SLC44A1: variants seen among roughly 807,000 people sequenced by gnomAD.
SLC44A1 encodes choline transporter-like protein 1.
Under a neutral mutation model 79.3 loss-of-function variants are expected in SLC44A1, and 26 were observed. The observed-to-expected ratio is 0.33, with a 90% CI of 0.24 to 0.46. The LOEUF (loss-of-function observed/expected upper bound fraction) is 0.46. Ranked by LOEUF, SLC44A1 falls within the 20% of genes least tolerant of loss-of-function variation. The probability of loss-of-function intolerance (pLI) is 1.00; values close to 1 mark genes in which losing one functional copy is unlikely to be tolerated. For missense variants in SLC44A1, 688 were observed against 798.1 expected (o/e 0.86, Z 1.66); for synonymous variants, 263 against 286.2 (o/e 0.92, Z 0.82).
In SLC44A1 at chr9:105,244,759, C is replaced by A; in HGVS notation, c.-110C>A. ...GCTGCAGCCGCCGCCGCCGCCTAGC[C>A]GTGCGGTGCCAGGCCGCGCCCTCCC... On this transcript the variant is annotated 5_prime_UTR_variant, in exon 1 of 16. Transcript: ENST00000374720. 3.9e-6 allele frequency: 2 copies of A among 513,554 alleles called. No homozygotes were observed. The highest frequency in any genetic ancestry group is 5.6e-6 in the Non-Finnish European group (2 of 359,692). The allele number at this position is 513,554 out of a possible 1,614,324, so 31.8% of individuals were successfully genotyped here. A position where few individuals can be genotyped will look rare whatever the true frequency, so the allele number is the denominator to read the frequency against.
chr9:105,396,881 C>A lies in SLC44A1; in HGVS notation c.*7825C>A. 1 of 985,030 alleles carries A rather than the reference C, an allele frequency of 1.0e-6. No individual in the cohort carries two copies. The highest frequency in any genetic ancestry group is 1.2e-6 in the Non-Finnish European group (1 of 829,764). 61.0% of individuals were successfully genotyped at this position (985,030 alleles called of 1,614,324 possible). A position where few individuals can be genotyped will look rare whatever the true frequency, so the allele number is the denominator to read the frequency against. On this transcript the variant is annotated 3_prime_UTR_variant, in exon 16 of 16. Transcript: ENST00000374720. The stretch of plus-strand genomic sequence containing the variant: ...CCTTACCATTATTTTGGATTTTTTT[C>A]TTATTACAGTGTCACTACACTGTAT...
Position 105,244,727 on chromosome 9 carries a change from A to G in SLC44A1, c.-142A>G, listed in dbSNP as rs1829380658. On this transcript the variant is annotated 5_prime_UTR_variant, in exon 1 of 16. Transcript: ENST00000374720. Reference sequence around the variant, plus strand: ...CTAGCCGCGCCGCCTCTTGAGTACCAGCCGCCGCTGCAGCCGCCGCCGCCG... The same window carrying G: ...CTAGCCGCGCCGCCTCTTGAGTACCGGCCGCCGCTGCAGCCGCCGCCGCCG... The G allele has an allele frequency of 2.8e-6, 1 of 356,406 alleles. No homozygotes were observed. Among genetic ancestry groups the G allele is most frequent in the Non-Finnish European group, 4.6e-6 (1 of 217,990 alleles). 22.1% of individuals were successfully genotyped at this position (356,406 alleles called of 1,614,324 possible).
chr9:105,381,314 C>T (rs1411717176), intron 13 of SLC44A1, among the ~76,000 whole-genome samples: 1 of 151,640 alleles, frequency 6.6e-6, no homozygotes, highest in African/African-American at 2.4e-5. Context: ...CCCTGGCGGG[C>T]GGATCACCTG....
intron 1 of SLC44A1, among the ~76,000 whole-genome samples, chr9:105,288,209 T>A (rs1329752852): frequency 2.0e-5 from 3 of 152,226 alleles, no homozygotes; most frequent in Non-Finnish European, 4.4e-5. Flanking sequence ...TATGTTACTA[T>A]ACAGTCTTCA....
intron 1 of SLC44A1, among the ~76,000 whole-genome samples, chr9:105,263,275 C>T (rs1379727271): frequency 6.6e-6 from 1 of 152,174 alleles, no homozygotes; most frequent in Non-Finnish European, 1.5e-5. Flanking sequence ...TCATTTTGCA[C>T]TACCGAGCTC....
At chr9:105,322,366 G>A (rs1042240734) in intron 3 of SLC44A1, among the ~76,000 whole-genome samples, 4 of 152,140 alleles carry the variant, frequency 2.6e-5, no homozygotes, top group Non-Finnish European at 5.9e-5. Flanking sequence ...GTGATGCTAA[G>A]TTTTCAAAAG....
At chr9:105,253,962 C>T (rs1320145928) in intron 1 of SLC44A1, among the ~76,000 whole-genome samples, 13 of 152,180 alleles carry the variant, frequency 8.5e-5, no homozygotes, top group Admixed American at 8.5e-4. Context: ...ACCTTGTGAT[C>T]TGCCTGCCTC....
chr9:105,259,001 G>A (rs2131208154), intron 1 of SLC44A1, among the ~76,000 whole-genome samples: 1 of 152,120 alleles, frequency 6.6e-6, no homozygotes, highest in African/African-American at 2.4e-5. Flanking sequence ...CACCACGCCT[G>A]TTTGTTCTCT....
chr9:105,286,469 C>T (rs1383430642), intron 1 of SLC44A1, among the ~76,000 whole-genome samples: 1 of 152,040 alleles, frequency 6.6e-6, no homozygotes, highest in African/African-American at 2.4e-5. Context: ...GGAATATGCT[C>T]AATAATATTA....
intron 5 of SLC44A1, among the ~76,000 whole-genome samples, chr9:105,352,265 A>T (rs1827473800): frequency 6.6e-6 from 1 of 152,200 alleles, no homozygotes; most frequent in Non-Finnish European, 1.5e-5. Flanking sequence ...TTTGGCTAGA[A>T]ATCATGTGTA....
Position 105,393,349 on chromosome 9 carries a change from AC to A in SLC44A1, c.*4296del. The A allele has an allele frequency of 1.0e-6, 1 of 985,306 alleles. No homozygotes were observed. The highest frequency in any genetic ancestry group is 1.2e-6 in the Non-Finnish European group (1 of 829,812). The allele number at this position is 985,306 out of a possible 1,614,324, so 61.0% of individuals were successfully genotyped here. A position where few individuals can be genotyped will look rare whatever the true frequency, so the allele number is the denominator to read the frequency against. ...ATAGTCCAAATTTTTAAAAAGCAAGACCCTTGAATATGCCAAGAGAAAATCT... is the reference window on the plus strand; with the variant it reads ...ATAGTCCAAATTTTTAAAAAGCAAGACCTTGAATATGCCAAGAGAAAATCT... On this transcript the variant is annotated 3_prime_UTR_variant, in exon 16 of 16. Transcript: ENST00000374720.
At position 105,394,496 on chromosome 9, in the gene SLC44A1, A is replaced by C; in HGVS notation, c.*5440A>C. ...TTATTTGGGGGCAAGGTACCAGATTATTTGCAGTGAGCCAAAAAAAAAAAA... is the reference window on the plus strand; with the variant it reads ...TTATTTGGGGGCAAGGTACCAGATTCTTTGCAGTGAGCCAAAAAAAAAAAA... On this transcript the variant is annotated 3_prime_UTR_variant, in exon 16 of 16. Transcript: ENST00000374720. 4.3e-6 allele frequency: 4 copies of C among 936,510 alleles called. No individual in the cohort carries two copies. The highest frequency in any genetic ancestry group is 4.9e-6 in the Non-Finnish European group (4 of 809,404). The allele number at this position is 936,510 out of a possible 1,614,324, so 58.0% of individuals were successfully genotyped here. A position where few individuals can be genotyped will look rare whatever the true frequency, so the allele number is the denominator to read the frequency against.
chr9:105,294,611 T>C (rs1016160693), intron 1 of SLC44A1: 1 of 152,158 alleles, frequency 6.6e-6, no homozygotes. Flanking sequence ...CTTTGTATCT[T>C]TGGCTTTCAA....
In SLC44A1 at chr9:105,396,924, C is replaced by T. The variant is rs1379794461; in HGVS notation, c.*7868C>T. 3.4e-5 allele frequency: 33 copies of T among 984,966 alleles called. No homozygotes were observed. Among genetic ancestry groups the T allele is most frequent in the Non-Finnish European group, 4.0e-5 (33 of 829,682 alleles). 61.0% of individuals were successfully genotyped at this position (984,966 alleles called of 1,614,324 possible). On this transcript the variant is annotated 3_prime_UTR_variant, in exon 16 of 16. Transcript: ENST00000374720. Reference sequence around the variant, plus strand: ...CACTGTATTCATGTGGGGGAACAAACATGTAGGTGCTTGAACATGCCCCAC... The same window carrying T: ...CACTGTATTCATGTGGGGGAACAAATATGTAGGTGCTTGAACATGCCCCAC...
chr9:105,329,214 T>C (rs1826676302), intron 3 of SLC44A1, among the ~76,000 whole-genome samples: 2 of 152,218 alleles, frequency 1.3e-5, no homozygotes, highest in Non-Finnish European at 2.9e-5. Context: ...TGTAAATTGA[T>C]ATGAGGTAAT....
chr9:105,390,551 G>A lies in SLC44A1; in HGVS notation c.*1495G>A, dbSNP rs1184264302. On this transcript the variant is annotated 3_prime_UTR_variant, in exon 16 of 16. Coordinates refer to ENST00000374720, the MANE Select transcript of SLC44A1 (RefSeq NM_080546.5). ...TGAATTAGATCGGTATTATGGAAATGCATACAAGTAATGTCACTAGGGCTT... is the reference window on the plus strand; with the variant it reads ...TGAATTAGATCGGTATTATGGAAATACATACAAGTAATGTCACTAGGGCTT... 1.0e-6 allele frequency: 1 copy of A among 985,128 alleles called. No homozygotes were observed. The highest frequency in any genetic ancestry group is 1.8e-5 in the African/African-American group (1 of 57,058). The allele number at this position is 985,128 out of a possible 1,614,324, so 61.0% of individuals were successfully genotyped here. A position where few individuals can be genotyped will look rare whatever the true frequency, so the allele number is the denominator to read the frequency against.
intron 1 of SLC44A1, among the ~76,000 whole-genome samples, chr9:105,264,408 C>G (rs1043673891): frequency 3.3e-5 from 5 of 152,196 alleles, no homozygotes; most frequent in African/African-American, 1.2e-4. Context: ...CTCAAGTGAT[C>G]CTCCTGCTTT....
rs79840381 is a variant in SLC44A1, at chr9:105,289,441, C to G, written c.37-9779C>G. Among the ~76,000 whole-genome samples, 750 of 152,238 alleles carry G rather than the reference C, an allele frequency of 4.9e-3. 24 individuals are homozygous for G. In the East Asian group the frequency reaches 0.052, roughly 11 times the overall value. ...ACAAAAAATAGACACATTACACTTACCATCAAAAAGGTCATCTACTGGGAA... is the reference window on the plus strand; with the variant it reads ...ACAAAAAATAGACACATTACACTTAGCATCAAAAAGGTCATCTACTGGGAA... On this transcript the variant is annotated intron_variant, in intron 1 of 15. Transcript: ENST00000374720.
Position 105,390,489 on chromosome 9 carries a change from T to A in SLC44A1, c.*1433T>A. On this transcript the variant is annotated 3_prime_UTR_variant, in exon 16 of 16. Transcript: ENST00000374720. ...TATCATTCCATGGAAGGAGAATCTT[T>A]TGAAAGAAAGCATTGCCTCCTACCA... The A allele has an allele frequency of 1.0e-6, 1 of 983,722 alleles. No homozygotes were observed. Among genetic ancestry groups the A allele is most frequent in the Non-Finnish European group, 1.2e-6 (1 of 829,686 alleles). The allele number at this position is 983,722 out of a possible 1,614,324, so 60.9% of individuals were successfully genotyped here.
Sources: gnomAD v4.1 joint callset for allele counts (sites outside exome capture counted in the v4.1 genomes callset) on GRCh38, gnomAD v4.1.1 for gene constraint, MANE v1.5 for transcripts, NCBI Gene and HGNC (gene_info 2026-07-23, HGNC 2026-07-21) for gene names.